Variants in ANKDD1B observed in about 807,000 individuals in gnomAD.
ANKDD1B encodes the protein ankyrin repeat and death domain-containing protein 1B.
ANKDD1B carries 57 observed loss-of-function variants against 59.7 expected under a neutral mutation model. That is an observed-to-expected ratio of 0.95 (90% CI 0.77 to 1.19). The LOEUF (loss-of-function observed/expected upper bound fraction) is 1.19, where lower values mean the gene tolerates loss of function less well. Among genes scored for constraint, ANKDD1B ranks in the 50% most tolerant of loss-of-function variants. ANKDD1B has a pLI of 0.00. For synonymous variants in ANKDD1B, 216 were observed against 239.5 expected (o/e 0.90, Z 0.91); for missense variants, 602 against 641.9 (o/e 0.94, Z 0.67).
Position 75,616,836 on chromosome 5 carries a change from G to T in ANKDD1B, c.226G>T (p.Ala76Ser). The part of the protein sequence containing the change: ...LPNERSFQNA[A>S]KSNNLDLMEK... ...AAATGAGAGAAGCTTTCAGAATGCTGCTAAAAGCAATAATTTGGATCTTAT... is the reference window on the plus strand; with the variant it reads ...AAATGAGAGAAGCTTTCAGAATGCTTCTAAAAGCAATAATTTGGATCTTAT... Residue 76 changes from alanine (A) to serine (S), a missense_variant, in exon 2 of 14, where the codon GCT becomes TCT. Coordinates refer to ENST00000601380, the MANE Select transcript of ANKDD1B (RefSeq NM_001276713.2). 6.5e-7 allele frequency: 1 copy of T among 1,530,244 alleles called. No homozygotes were observed. Among genetic ancestry groups the T allele is most frequent in the Admixed American group, 2.0e-5 (1 of 50,854 alleles). 94.8% of individuals were successfully genotyped at this position (1,530,244 alleles called of 1,614,324 possible). A position where few individuals can be genotyped will look rare whatever the true frequency, so the allele number is the denominator to read the frequency against.
At chr5:75,635,270 C>G (rs1394369497) in intron 6 of ANKDD1B, 1 of 305,634 alleles carries the variant, frequency 3.3e-6, no homozygotes, top group Admixed American at 4.3e-5. Context: ...CCCCTCTTCT[C>G]TCCTCCCATG....
At chr5:75,639,721 G>C (rs542158010) in intron 7 of ANKDD1B, among the ~76,000 whole-genome samples, 76 of 152,254 alleles carry the variant, frequency 5.0e-4, no homozygotes, top group African/African-American at 1.5e-3. Flanking sequence ...TAGGGAATGG[G>C]GAAGGAATTC....
chr5:75,627,991 A>C (rs1432123745), intron 5 of ANKDD1B, among the ~76,000 whole-genome samples: 4 of 152,232 alleles, frequency 2.6e-5, no homozygotes, highest in Non-Finnish European at 5.9e-5. Flanking sequence ...GTCCAGCTGC[A>C]AGATCTTAAA....
Position 75,637,240 on chromosome 5 carries a change from C to CAA in ANKDD1B, c.798+1390_798+1391dup, listed in dbSNP as rs55640131. Among the ~76,000 whole-genome samples, 181 of 69,902 alleles carry CAA rather than the reference C, an allele frequency of 2.6e-3. 9 individuals carry two copies. The highest frequency in any genetic ancestry group is 9.9e-3 in the South Asian group (14 of 1,408). 45.9% of individuals were successfully genotyped at this position (69,902 alleles called of 152,430 possible). On this transcript the variant is annotated intron_variant, in intron 7 of 13. Coordinates refer to ENST00000601380, the MANE Select transcript of ANKDD1B (RefSeq NM_001276713.2). ...AGCCTGGGCGACAGAGACTCTGTCTCAAAAAAAAAAAAAAAAAAAAAAAAA... is the reference window on the plus strand; with the variant it reads ...AGCCTGGGCGACAGAGACTCTGTCTCAAAAAAAAAAAAAAAAAAAAAAAAAAA...
At chr5:75,661,451 T>G (rs1433234607) in intron 10 of ANKDD1B, among the ~76,000 whole-genome samples, 2 of 148,300 alleles carry the variant, frequency 1.3e-5, no homozygotes, top group Non-Finnish European at 3.0e-5. Context: ...TGTGGACGAT[T>G]TAGAACACAG....
intron 5 of ANKDD1B, among the ~76,000 whole-genome samples, chr5:75,632,964 G>A (rs941092093): frequency 3.9e-5 from 6 of 152,192 alleles, no homozygotes; most frequent in African/African-American, 1.4e-4. Flanking sequence ...TATGTGACCA[G>A]ATGTTTTCAT....
At chr5:75,612,976 G>A (rs545473888) in intron 1 of ANKDD1B, among the ~76,000 whole-genome samples, 70 of 152,326 alleles carry the variant, frequency 4.6e-4, no homozygotes, top group Middle Eastern at 6.8e-3. Flanking sequence ...ACTAGAAAGC[G>A]AAAGTTGGTT....
chr5:75,669,055 G>A (rs1283871425), intron 12 of ANKDD1B, among the ~76,000 whole-genome samples, 197 bp from the exon 13 acceptor site: 2 of 152,164 alleles, frequency 1.3e-5, no homozygotes, highest in African/African-American at 2.4e-5. Context: ...AAGCATAGCA[G>A]GTGCATAGCA....
intron 5 of ANKDD1B, among the ~76,000 whole-genome samples, chr5:75,627,204 G>T (rs982834841): frequency 6.6e-6 from 1 of 152,124 alleles, no homozygotes; most frequent in African/African-American, 2.4e-5. Flanking sequence ...GAAACCCCCA[G>T]TTTCTCCATC....
intron 6 of ANKDD1B, 101 bp downstream of exon 6, chr5:75,635,097 T>C (rs1774264234): frequency 2.7e-6 from 2 of 740,184 alleles, no homozygotes; most frequent in East Asian, 2.7e-5. Flanking sequence ...GAGGGCGTTT[T>C]AGTCAGCAGG....
In ANKDD1B at chr5:75,625,850, G is replaced by A; in HGVS notation, c.496-1G>A. ...TCTCCCCCACCCCTGGTTCTCTTCA[G>A]GATGGAATGAGCGCCCTCCACTTTG... On this transcript the variant is annotated splice_acceptor_variant, in intron 4 of 13. Transcript: ENST00000601380. LOFTEE classifies it high-confidence loss of function. 1 of 1,536,092 alleles carries A rather than the reference G, an allele frequency of 6.5e-7. No individual in the cohort carries two copies. The highest frequency in any genetic ancestry group is 8.7e-7 in the Non-Finnish European group (1 of 1,146,634).
At chr5:75,640,622 C>T (rs1056275250) in intron 7 of ANKDD1B, among the ~76,000 whole-genome samples, 1 of 152,174 alleles carries the variant, frequency 6.6e-6, no homozygotes, top group Non-Finnish European at 1.5e-5. Context: ...AAACACCATT[C>T]TTTCTGAGTG....
Position 75,667,860 on chromosome 5 carries a change from G to A in ANKDD1B, c.1393+867G>A, listed in dbSNP as rs193071454. Reference sequence around the variant, plus strand: ...GGGAACTGGGGATGGCAGAAGCACAGTCCATGAGCACACACTATTTATACC... The same window carrying A: ...GGGAACTGGGGATGGCAGAAGCACAATCCATGAGCACACACTATTTATACC... On this transcript the variant is annotated intron_variant, in intron 12 of 13. Coordinates refer to ENST00000601380, the MANE Select transcript of ANKDD1B (RefSeq NM_001276713.2). Among the ~76,000 whole-genome samples, 113 of 152,302 alleles carry A rather than the reference G, an allele frequency of 7.4e-4. 5 individuals are homozygous for A. The East Asian group carries it at 0.017, about 23-fold the overall frequency.
intron 2 of ANKDD1B, among the ~76,000 whole-genome samples, chr5:75,617,431 C>T (rs1195843269): frequency 6.6e-6 from 1 of 152,162 alleles, no homozygotes; most frequent in African/African-American, 2.4e-5. Flanking sequence ...CTGGCTCTTA[C>T]TTGTTCTTTA....
chr5:75,645,078 C>A (rs2111971884), intron 7 of ANKDD1B, among the ~76,000 whole-genome samples: 1 of 129,870 alleles, frequency 7.7e-6, no homozygotes, highest in East Asian at 2.0e-4. Context: ...ATACCAGAAT[C>A]TCTGGGACGC....
At chr5:75,634,452 G>C (rs1211484549) in intron 5 of ANKDD1B, among the ~76,000 whole-genome samples, 1 of 152,206 alleles carries the variant, frequency 6.6e-6, no homozygotes, top group African/African-American at 2.4e-5. Context: ...ATGTCTGAAT[G>C]AGCCACATAA....
chr5:75,633,281 G>A (rs933766533), intron 5 of ANKDD1B, among the ~76,000 whole-genome samples: 8 of 151,688 alleles, frequency 5.3e-5, no homozygotes, highest in Non-Finnish European at 8.8e-5. Context: ...GACATATGTG[G>A]CCCAAGAATG....
chr5:75,625,898 C>A lies in ANKDD1B; in HGVS notation c.543C>A (p.Arg181=). 6.5e-7 allele frequency: 1 copy of A among 1,536,236 alleles called. No individual in the cohort carries two copies. The highest frequency in any genetic ancestry group is 8.7e-7 in the Non-Finnish European group (1 of 1,146,908). Residue 181 remains arginine, a synonymous_variant, in exon 5 of 14, where the codon CGC becomes CGA. Transcript: ENST00000601380. The stretch of plus-strand genomic sequence containing the variant: ...TTGCCACTCAGAGCAATCATGTGCG[C>A]ATCGTGGAGTATCTTATTCAAGATC... ...LHFATQSNHV[R]IVEYLIQDLH...
intron 12 of ANKDD1B, among the ~76,000 whole-genome samples, chr5:75,668,682 C>G (rs758651260): frequency 2.0e-5 from 3 of 152,238 alleles, no homozygotes; most frequent in Non-Finnish European, 4.4e-5. Context: ...CCCAACACCT[C>G]TCTAGGCTGA....
Sources: gnomAD v4.1 joint callset for allele counts (sites outside exome capture counted in the v4.1 genomes callset) on GRCh38, gnomAD v4.1.1 for gene constraint, MANE v1.5 for transcripts, NCBI Gene and HGNC (gene_info 2026-07-23, HGNC 2026-07-21) for gene names.